The following ZNF280D variants were observed in gnomAD, a reference collection of about 807,000 sequenced individuals.
ZNF280D encodes zinc finger protein 280D.
A neutral mutation model predicts 94.7 loss-of-function variants in ZNF280D; 39 were observed. That is an observed-to-expected ratio of 0.41 (90% CI 0.32 to 0.54). The LOEUF is 0.54. Among genes scored for constraint, ZNF280D ranks in the 20% least tolerant of loss-of-function variants. The probability of loss-of-function intolerance (pLI) is 0.22; values close to 1 mark genes in which losing one functional copy is unlikely to be tolerated. For missense variants in ZNF280D, 1,090 were observed against 1,149.3 expected (o/e 0.95, Z 0.75); for synonymous variants, 398 against 377.6 (o/e 1.05, Z -0.63).
chr15:56,651,631 C>T lies in ZNF280D; in HGVS notation c.2213+2567G>A, dbSNP rs570044646. Reference sequence around the variant, plus strand: ...GATTGGTTACAGAACCTGCCCCCACCCCACAGGTCGCCCCTACCTCCCCAA... The same window carrying T: ...GATTGGTTACAGAACCTGCCCCCACTCCACAGGTCGCCCCTACCTCCCCAA... On this transcript the variant is annotated intron_variant, in intron 19 of 21. Coordinates refer to ENST00000267807, the MANE Select transcript of ZNF280D (RefSeq NM_017661.4). 8.1e-4 allele frequency among the ~76,000 whole-genome samples: 124 copies of T among 152,234 alleles called. 2 individuals carry two copies. The highest frequency in any genetic ancestry group is 4.4e-3 in the Admixed American group (67 of 15,294).
chr15:56,702,023 C>CAA (rs36004101), intron 4 of ZNF280D, among the ~76,000 whole-genome samples: 66,515 of 128,282 alleles, frequency 0.52, 18,441 homozygotes, highest in Non-Finnish European at 0.62. Flanking sequence ...AAAAAGCACC[C>CAA]AAAAAAAAAA....
intron 16 of ZNF280D, among the ~76,000 whole-genome samples, chr15:56,660,043 C>T (rs1159115406): frequency 6.6e-6 from 1 of 151,974 alleles, no homozygotes; most frequent in Non-Finnish European, 1.5e-5. Context: ...ATTTCTTCAA[C>T]CTAGGAGTAA....
chr15:56,702,023 C>CCA (rs1555420216), intron 4 of ZNF280D, among the ~76,000 whole-genome samples: 2 of 128,608 alleles, frequency 1.6e-5, no homozygotes, highest in Admixed American at 7.9e-5. Flanking sequence ...AAAAAGCACC[C>CCA]AAAAAAAAAA....
chr15:56,632,031 T>C lies in ZNF280D; in HGVS notation c.2407A>G (p.Ile803Val), dbSNP rs770744280. The stretch of plus-strand genomic sequence containing the variant: ...TCATTTTCCTTATCTGAAACTGTTA[T>C]GCTTTCTTCACTTTTTGTTGTTGAT... ...GSSTTKSEES[I>V]TVSDKENETC... The change falls in exon 22 of 22, where the codon ATA (isoleucine) becomes GTA (valine). Residue 803 changes from isoleucine (I) to valine (V), a missense_variant. Physicochemically the swap from Ile to Val is conservative, Grantham distance 29. This residue lies in a region of ZNF280D where 577 missense variants were observed against 568.8 expected (regional missense o/e 1.01). Transcript: ENST00000267807. The C allele has an allele frequency of 6.2e-6, 10 of 1,613,508 alleles. No homozygotes were observed. Among genetic ancestry groups the C allele is most frequent in the Middle Eastern group, 1.6e-4 (1 of 6,074 alleles).
intron 9 of ZNF280D, among the ~76,000 whole-genome samples, chr15:56,686,143 T>C (rs1220260771): frequency 6.6e-6 from 1 of 152,154 alleles, no homozygotes. Context: ...ACAATACAGT[T>C]ATTTATTTTA....
rs771364945 is a variant in ZNF280D at position 56,631,723 on chromosome 15, A to T, written c.2715T>A (p.Ser905=). 1.4e-5 allele frequency: 23 copies of T among 1,614,048 alleles called. No individual in the cohort carries two copies. In the South Asian group the frequency reaches 2.3e-4, roughly 16 times the overall value. ...QFLRKRHEPE[S]VSSDVSEQGS... ...CTTGCTCGCTAACATCAGAACTAAC[A>T]GATTCAGGTTCATGTCTTTTTCTCA... The change falls in exon 22 of 22, where the codon TCT becomes TCA. Residue 905 remains serine, a synonymous_variant. Transcript: ENST00000267807.
intron 9 of ZNF280D, among the ~76,000 whole-genome samples, chr15:56,687,464 G>A (rs1469184213): frequency 6.6e-6 from 1 of 151,984 alleles, no homozygotes; most frequent in Non-Finnish European, 1.5e-5. Context: ...ATGTTTACTT[G>A]TACATCCAGA....
At chr15:56,697,823 T>A (rs1248053368) in intron 6 of ZNF280D, 1 of 152,174 alleles carries the variant, frequency 6.6e-6, no homozygotes, top group Non-Finnish European at 1.5e-5. Flanking sequence ...AATAACATTT[T>A]AATGAAAAAT....
In ZNF280D at chr15:56,678,679, G is replaced by A; in HGVS notation, c.1147C>T (p.Pro383Ser). The A allele has an allele frequency of 1.2e-6, 2 of 1,607,716 alleles. No homozygotes were observed. The highest frequency in any genetic ancestry group is 1.7e-6 in the Non-Finnish European group (2 of 1,177,126). ...GGTAACTTACTAGAAAATTCATGGG[G>A]CGTATGTGTACTTTCGATGTGACAC... ...LQCHIESTHTPHEFSTICKIC... is the reference protein window; with the variant it reads ...LQCHIESTHTSHEFSTICKIC... Residue 383 changes from proline to serine, a missense_variant, in exon 11 of 22, where the codon CCC becomes TCC. Coordinates refer to ENST00000267807, the MANE Select transcript of ZNF280D (RefSeq NM_017661.4).
chr15:56,632,822 A>T (rs1175788468), intron 21 of ZNF280D, among the ~76,000 whole-genome samples: 1 of 152,092 alleles, frequency 6.6e-6, no homozygotes, highest in Non-Finnish European at 1.5e-5. Context: ...TTATGTTTAG[A>T]ATGTCTTTCC....
chr15:56,636,306 A>G (rs1373135161), intron 20 of ZNF280D, among the ~76,000 whole-genome samples: 3 of 152,070 alleles, frequency 2.0e-5, no homozygotes, highest in Admixed American at 1.3e-4. Context: ...AAAGAGATCA[A>G]TTTGCCCAGA....
At chr15:56,687,206 T>A (rs1205445861) in intron 9 of ZNF280D, among the ~76,000 whole-genome samples, 2 of 152,136 alleles carry the variant, frequency 1.3e-5, no homozygotes, top group Admixed American at 6.5e-5. Flanking sequence ...TATCTTCAAC[T>A]TAGTTCAGTT....
In ZNF280D at chr15:56,694,994, A is replaced by C. The variant is rs1646847473; in HGVS notation, c.382-1779T>G. Among the ~76,000 whole-genome samples, 5 of 152,290 alleles carry C rather than the reference A, an allele frequency of 3.3e-5. No individual in the cohort carries two copies. In the South Asian group the frequency reaches 1.0e-3, roughly 32 times the overall value. Reference sequence around the variant, plus strand: ...ATTCATTATTGGCAAAGTAGAGCTTATATTTTAGTATAATTTTTCTGCATA... The same window carrying C: ...ATTCATTATTGGCAAAGTAGAGCTTCTATTTTAGTATAATTTTTCTGCATA... On this transcript the variant is annotated intron_variant, in intron 6 of 21. Transcript: ENST00000267807.
At chr15:56,638,671 T>A (rs893017656) in intron 20 of ZNF280D, among the ~76,000 whole-genome samples, 1 of 152,162 alleles carries the variant, frequency 6.6e-6, no homozygotes, top group African/African-American at 2.4e-5. Flanking sequence ...AAAATAGTTA[T>A]TTTTCAGAAA....
chr15:56,693,087 C>T lies in ZNF280D; in HGVS notation c.499+11G>A. ...TTCTATAACCTTTATGAAAAAAATA[C>T]TAAAACCAACCTGCCATAGAAAGTG... On this transcript the variant is annotated intron_variant, in intron 7 of 21. Transcript: ENST00000267807. 7.1e-6 allele frequency: 11 copies of T among 1,556,482 alleles called. No individual in the cohort carries two copies. The highest frequency in any genetic ancestry group is 2.3e-5 in the East Asian group (1 of 43,852).
intron 13 of ZNF280D, among the ~76,000 whole-genome samples, chr15:56,672,579 C>T (rs2054942211): frequency 6.6e-6 from 1 of 151,930 alleles, no homozygotes; most frequent in Admixed American, 6.6e-5. Context: ...ATTCAGTTTG[C>T]CAGTATTTTG....
chr15:56,647,880 T>A lies in ZNF280D; in HGVS notation c.2214-4883A>T, dbSNP rs539682467. ...AACTTCAAAATCAACATCCAGAGAA[T>A]GACTCCTCCATTTTTAATACACTTT... On this transcript the variant is annotated intron_variant, in intron 19 of 21. Coordinates refer to ENST00000267807, the MANE Select transcript of ZNF280D (RefSeq NM_017661.4). 1.3e-4 allele frequency among the ~76,000 whole-genome samples: 20 copies of A among 152,294 alleles called. No individual in the cohort carries two copies. The South Asian group carries it at 3.5e-3, about 27-fold the overall frequency.
At position 56,666,825 on chromosome 15, in the gene ZNF280D, T is replaced by G. The variant is rs561731506; in HGVS notation, c.1707A>C (p.Lys569Asn). The G allele has an allele frequency of 4.6e-5, 75 of 1,613,850 alleles. 1 individual carries two copies. The South Asian group carries it at 8.1e-4, about 17-fold the overall frequency. The change falls in exon 15 of 22, where the codon AAA (lysine) becomes AAC (asparagine). Residue 569 changes from lysine to asparagine, a missense_variant. Lys to Asn is a moderately conservative substitution (Grantham distance 94). Coordinates refer to ENST00000267807, the MANE Select transcript of ZNF280D (RefSeq NM_017661.4). ...TTGTATTAGGTTTACTTGCGTTGGATTTGACTGTATTAGGTTTACTTGTAT... is the reference window on the plus strand; with the variant it reads ...TTGTATTAGGTTTACTTGCGTTGGAGTTGACTGTATTAGGTTTACTTGTAT... Reference protein sequence around the residue: ...KSNTSKPNTVKSNASKPNTSK... With the variant: ...KSNTSKPNTVNSNASKPNTSK...
chr15:56,678,800 G>A lies in ZNF280D; in HGVS notation c.1026C>T (p.His342=), dbSNP rs2055422328. The change falls in exon 11 of 22, where the codon CAC becomes CAT. Residue 342 remains histidine (H), a synonymous_variant. Coordinates refer to ENST00000267807, the MANE Select transcript of ZNF280D (RefSeq NM_017661.4). ...TGCTCTGCTTCTCAAGTTCCAAATG[G>A]TGTTTCATGTGGTTCATAAACCTAT... ...NNIRFMNHMK[H]HLELEKQSSE... 3.1e-6 allele frequency: 5 copies of A among 1,608,720 alleles called. No homozygotes were observed. Among genetic ancestry groups the A allele is most frequent in the Non-Finnish European group, 4.2e-6 (5 of 1,177,630 alleles).
Sources: allele counts gnomAD v4.1 joint callset (sites outside exome capture counted in the v4.1 genomes callset), GRCh38; gene constraint gnomAD v4.1.1; regional missense constraint gnomAD v4.1.1; transcripts MANE v1.5; gene names NCBI Gene and HGNC (gene_info 2026-07-23, HGNC 2026-07-21).